UNC80: variants seen among roughly 807,000 people sequenced by gnomAD.
UNC80 encodes the protein unc-80 subunit of NALCN channel complex, also known as protein unc-80 homolog.
Under a neutral mutation model 384.6 loss-of-function variants are expected in UNC80, and 164 were observed. That is an observed-to-expected ratio of 0.43 (90% confidence interval 0.38 to 0.49). The LOEUF is 0.49. UNC80 is among the 20% of genes least tolerant of loss of function. UNC80 has a pLI of 0.00. For synonymous variants in UNC80, 1,486 were observed against 1,527.8 expected, an observed-to-expected ratio of 0.97 and a Z score of 0.64; for missense variants, 3,330 against 4,143.0, an observed-to-expected ratio of 0.80 and a Z score of 5.39.
intron 7 of UNC80, among the ~76,000 whole-genome samples, chr2:209,799,532 G>A (rs1328625547): frequency 6.6e-6 from 1 of 152,104 alleles, no homozygotes; most frequent in Admixed American, 6.6e-5. Flanking sequence ...GACAACTTGA[G>A]TTCCTCTCTT....
At chr2:209,950,652 G>A (rs565551467) in intron 47 of UNC80, among the ~76,000 whole-genome samples, 66 of 149,538 alleles carry the variant, frequency 4.4e-4, no homozygotes, top group African/African-American at 1.5e-3. Flanking sequence ...TCCACCTCCC[G>A]GATTCAAGCG....
At chr2:209,783,624 C>T (rs1250804051) in intron 4 of UNC80, among the ~76,000 whole-genome samples, 1 of 152,008 alleles carries the variant, frequency 6.6e-6, no homozygotes, top group Non-Finnish European at 1.5e-5. Context: ...AAATGATGAC[C>T]ATGACAGTCA....
At chr2:209,988,875 A>T (rs1166010553) in intron 61 of UNC80, among the ~76,000 whole-genome samples, 2 of 152,208 alleles carry the variant, frequency 1.3e-5, no homozygotes, top group African/African-American at 4.8e-5. Context: ...ACTCAAAAAT[A>T]TAAGAGATTA....
chr2:209,809,551 G>C (rs529542415), intron 7 of UNC80: 1 of 944,066 alleles, frequency 1.1e-6, no homozygotes, highest in African/African-American at 1.6e-5. Flanking sequence ...CAAGCACCAA[G>C]AGTCGGGCTG....
intron 10 of UNC80, 128 bp downstream of exon 10, chr2:209,817,253 G>A: frequency 3.8e-6 from 3 of 783,326 alleles, no homozygotes; most frequent in South Asian, 1.8e-5. Context: ...TCAAATTCAG[G>A]TTCTCCAGTA....
In UNC80 at chr2:209,819,000, T is replaced by C; in HGVS notation, c.1701T>C (p.Ser567=). The C allele has an allele frequency of 6.4e-7, 1 of 1,551,358 alleles. No homozygotes were observed. Among genetic ancestry groups the C allele is most frequent in the Non-Finnish European group, 8.7e-7 (1 of 1,146,728 alleles). The change falls in exon 12 of 65, where the codon TCT becomes TCC. Residue 567 remains serine (S), a synonymous_variant. Transcript: ENST00000673920. The part of the protein sequence containing the change: ...HGENTVKEVR[S]QISTITVATF... ...TTGCTTTCATTTTATTAGTGCGATC[T>C]CAGATCTCCACCATCACAGTTGCGA...
At chr2:209,920,850 C>T (rs2089978894) in intron 33 of UNC80, among the ~76,000 whole-genome samples, 1 of 146,196 alleles carries the variant, frequency 6.8e-6, no homozygotes, top group African/African-American at 2.5e-5. Context: ...TTTTTTGAGA[C>T]AGGGTCTCGC....
At chr2:209,988,079 G>A (rs904484322) in intron 61 of UNC80, among the ~76,000 whole-genome samples, 20 of 152,088 alleles carry the variant, frequency 1.3e-4, no homozygotes, top group Non-Finnish European at 2.8e-4. Context: ...AGATGTTGTT[G>A]AGGTTAAGTA....
intron 59 of UNC80, among the ~76,000 whole-genome samples, chr2:209,980,825 ATAAGTGT>A (rs1406238025): frequency 6.6e-6 from 1 of 152,240 alleles, no homozygotes; most frequent in Non-Finnish European, 1.5e-5. Context: ...TACTGGGGAC[ATAAGTGT>A]TAAGTGATAT....
chr2:209,838,451 C>T (rs2081498171), intron 18 of UNC80, among the ~76,000 whole-genome samples: 2 of 152,122 alleles, frequency 1.3e-5, no homozygotes, highest in Non-Finnish European at 2.9e-5. Flanking sequence ...TTCTATTTGT[C>T]CTACTGAGTT....
At position 209,878,082 on chromosome 2, in the gene UNC80, A is replaced by G. The variant is rs574998170; in HGVS notation, c.3969A>G (p.Leu1323=). ...AGGAGGATGAGGAGGAAGACTTTTTAGATGACAGTAAGGAGACTCCCTTTA... is the reference window on the plus strand; with the variant it reads ...AGGAGGATGAGGAGGAAGACTTTTTGGATGACAGTAAGGAGACTCCCTTTA... The part of the protein sequence containing the change: ...LRKEDEEEDF[L]DDSTVNPSKC... The change falls in exon 24 of 65, where the codon TTA becomes TTG. Residue 1323 remains leucine, a synonymous_variant. Transcript: ENST00000673920. The G allele has an allele frequency of 1.3e-5, 20 of 1,538,212 alleles. No homozygotes were observed. In the African/African-American group the frequency reaches 2.5e-4, roughly 19 times the overall value.
chr2:209,979,406 T>TA (rs1392210779), intron 59 of UNC80, among the ~76,000 whole-genome samples: 5 of 152,198 alleles, frequency 3.3e-5, no homozygotes, highest in African/African-American at 1.2e-4. Flanking sequence ...GATTGGAACT[T>TA]AAATGGCCTC....
intron 44 of UNC80, 73 bp from the exon 45 acceptor site, chr2:209,943,307 A>G: frequency 6.6e-7 from 1 of 1,521,806 alleles, no homozygotes; most frequent in African/African-American, 1.4e-5. Flanking sequence ...TCCCATGACC[A>G]TGAGTTTTAA....
chr2:209,950,328 CT>C (rs1212497880), intron 47 of UNC80, among the ~76,000 whole-genome samples: 4 of 151,450 alleles, frequency 2.6e-5, no homozygotes, highest in Non-Finnish European at 5.9e-5. Flanking sequence ...TCCTGATATG[CT>C]TTTTTTAAAA....
chr2:209,882,813 C>A (rs1241761949), intron 25 of UNC80, among the ~76,000 whole-genome samples: 1 of 152,050 alleles, frequency 6.6e-6, no homozygotes, highest in African/African-American at 2.4e-5. Flanking sequence ...AAATAAGAAT[C>A]CTAAAGTTTG....
chr2:209,960,320 G>A (rs1284477150), intron 51 of UNC80, among the ~76,000 whole-genome samples: 1 of 152,190 alleles, frequency 6.6e-6, no homozygotes, highest in Non-Finnish European at 1.5e-5. Context: ...AAAGGCCCCA[G>A]AATTACTTCC....
chr2:209,808,978 C>T, intron 7 of UNC80: 1 of 323,204 alleles, frequency 3.1e-6, no homozygotes, highest in Non-Finnish European at 5.9e-6. Flanking sequence ...CCTGGCGCTC[C>T]AAGCACAACC....
intron 62 of UNC80, among the ~76,000 whole-genome samples, chr2:209,992,691 T>C (rs926566702): frequency 6.6e-6 from 1 of 152,228 alleles, no homozygotes; most frequent in East Asian, 1.9e-4. Context: ...GCCAAACTTA[T>C]TGATAGAGGA....
intron 56 of UNC80, among the ~76,000 whole-genome samples, chr2:209,974,831 A>C (rs1575191825): frequency 6.6e-6 from 1 of 152,228 alleles, no homozygotes; most frequent in Non-Finnish European, 1.5e-5. Context: ...GTTTAGGTGG[A>C]AAGTAGAATG....
Sources: gnomAD v4.1 joint callset for allele counts (sites outside exome capture counted in the v4.1 genomes callset) on GRCh38, gnomAD v4.1.1 for gene constraint, MANE v1.5 for transcripts, NCBI Gene and HGNC (gene_info 2026-07-23, HGNC 2026-07-21) for gene names.